The following KLF12 variants were observed in gnomAD, a reference collection of about 807,000 sequenced individuals.
KLF12 encodes the protein KLF transcription factor 12, also known as Krueppel-like factor 12.
Under a neutral mutation model 37.8 loss-of-function variants are expected in KLF12, and 9 were observed. The ratio of observed to expected loss-of-function variants is 0.24; its 90% confidence interval spans 0.14 to 0.42. The LOEUF (loss-of-function observed/expected upper bound fraction) is 0.42. Among genes scored for constraint, KLF12 ranks in the 10% least tolerant of loss-of-function variants. The pLI is 1.00. For missense variants in KLF12, 411 were observed against 516.0 expected (o/e 0.80, Z 1.97); for synonymous variants, 208 against 202.1 (o/e 1.03, Z -0.25).
intron 1 of KLF12, among the ~76,000 whole-genome samples, chr13:74,088,538 C>T (rs1257011155): frequency 1.3e-5 from 2 of 152,208 alleles, no homozygotes; most frequent in East Asian, 3.9e-4. Flanking sequence ...CTAGATCTTT[C>T]AACTCTAGCA....
chr13:73,870,708 T>C (rs55790135), intron 3 of KLF12, among the ~76,000 whole-genome samples: 52,303 of 152,038 alleles, frequency 0.34, 9,893 homozygotes, highest in Non-Finnish European at 0.43. Context: ...AAAGTGGAAA[T>C]TGGGGTGGAG....
chr13:73,832,765 G>A (rs1483591540), intron 4 of KLF12, among the ~76,000 whole-genome samples: 2 of 152,138 alleles, frequency 1.3e-5, no homozygotes, highest in African/African-American at 4.8e-5. Context: ...TAGCAAAGTA[G>A]CATTTCCCTT....
chr13:73,907,685 C>CT (rs1888368919), intron 3 of KLF12, among the ~76,000 whole-genome samples: 1 of 152,172 alleles, frequency 6.6e-6, no homozygotes, highest in Non-Finnish European at 1.5e-5. Context: ...ACAGTTCATC[C>CT]TGGCATCTGG....
At chr13:73,730,253 C>T (rs1258841436) in intron 6 of KLF12, among the ~76,000 whole-genome samples, 1 of 152,130 alleles carries the variant, frequency 6.6e-6, no homozygotes, top group Non-Finnish European at 1.5e-5. Context: ...TGCTGGGGAG[C>T]TCTCAGCTCT....
At chr13:74,239,942 C>A in the KLF12 span, among the ~76,000 whole-genome samples, 1 of 150,878 alleles carries the variant, frequency 6.6e-6, no homozygotes, top group Non-Finnish European at 1.5e-5. Context: ...AGTCCATTTA[C>A]ATTTAAAGTT....
intron 1 of KLF12, among the ~76,000 whole-genome samples, chr13:74,089,786 G>A (rs550290182): frequency 8.0e-6 from 1 of 125,630 alleles, no homozygotes; most frequent in South Asian, 2.9e-4. Context: ...TCCTTGACAC[G>A]ACGTAACATG....
At chr13:74,119,329 T>C (rs1387343308) in intron 1 of KLF12, among the ~76,000 whole-genome samples, 1 of 98,014 alleles carries the variant, frequency 1.0e-5, no homozygotes. Context: ...GAGACTCTTA[T>C]CGCAAAAAAA....
chr13:74,189,087 T>C, the KLF12 span, among the ~76,000 whole-genome samples: 5 of 152,320 alleles, frequency 3.3e-5, no homozygotes, highest in Middle Eastern at 6.8e-3. Context: ...CTCATGAATA[T>C]GCAAATATGC....
At chr13:74,142,759 GT>G in the KLF12 span, among the ~76,000 whole-genome samples, 1 of 152,074 alleles carries the variant, frequency 6.6e-6, no homozygotes, top group Admixed American at 6.6e-5. Flanking sequence ...AGAGTTATTT[GT>G]CAAGAAAAAT....
intron 1 of KLF12, among the ~76,000 whole-genome samples, chr13:74,130,186 A>G (rs775853415): frequency 1.3e-5 from 2 of 152,192 alleles, no homozygotes; most frequent in Non-Finnish European, 2.9e-5. Flanking sequence ...TTTTACCCTT[A>G]CATTCTGTAC....
chr13:73,944,122 GACC>G, intron 2 of KLF12, 52 bp from the exon 3 acceptor site: 1 of 1,114,864 alleles, frequency 9.0e-7, no homozygotes, highest in Non-Finnish European at 1.4e-6. Flanking sequence ...TTCAAAAGAG[GACC>G]TCTGGGAGAG....
chr13:73,921,821 A>G (rs1889130259), intron 3 of KLF12, among the ~76,000 whole-genome samples: 1 of 152,172 alleles, frequency 6.6e-6, no homozygotes, highest in Non-Finnish European at 1.5e-5. Flanking sequence ...ATCTGCAGCT[A>G]ACCCCTATAC....
rs926671739 is a variant in KLF12, at chr13:73,686,633, G to A, written c.*8857C>T. 6.6e-6 allele frequency: 1 copy of A among 152,476 alleles called. No individual in the cohort carries two copies. The highest frequency in any genetic ancestry group is 1.5e-5 in the Non-Finnish European group (1 of 68,018). The allele number at this position is 152,476 out of a possible 1,614,324, so 9.4% of individuals were successfully genotyped here. ...AACACATTTGCTTGCCAGCATCACT[G>A]GGGGGCTTTATCCTTTAATGTGTAG... On this transcript the variant is annotated 3_prime_UTR_variant, in exon 8 of 8. Coordinates refer to ENST00000377669, the MANE Select transcript of KLF12 (RefSeq NM_007249.5).
chr13:73,901,336 A>T (rs1167761354), intron 3 of KLF12, among the ~76,000 whole-genome samples: 1 of 152,196 alleles, frequency 6.6e-6, no homozygotes, highest in African/African-American at 2.4e-5. Flanking sequence ...CAGTCTGTAG[A>T]ACAGGCAGTC....
At chr13:74,233,457 GA>G in the KLF12 span, among the ~76,000 whole-genome samples, 4 of 152,156 alleles carry the variant, frequency 2.6e-5, no homozygotes, top group Admixed American at 6.5e-5. Context: ...ACGAGCAATG[GA>G]AAAAAGTCAT....
chr13:74,270,091 A>G, the KLF12 span, among the ~76,000 whole-genome samples: 1 of 152,206 alleles, frequency 6.6e-6, no homozygotes, highest in East Asian at 1.9e-4. Context: ...TGTATAACAT[A>G]AAACTTGGTT....
chr13:73,954,332 T>C (rs922103803), intron 2 of KLF12, among the ~76,000 whole-genome samples: 3 of 152,198 alleles, frequency 2.0e-5, no homozygotes, highest in Admixed American at 6.5e-5. Context: ...ATTTGTAATT[T>C]AAATATTTAG....
the KLF12 span, among the ~76,000 whole-genome samples, chr13:74,273,030 C>A: frequency 6.6e-6 from 1 of 152,234 alleles, no homozygotes; most frequent in East Asian, 1.9e-4. Context: ...CTGTGGAAAC[C>A]ACAAATGCCA....
At chr13:74,084,921 G>A (rs1274253112) in intron 1 of KLF12, among the ~76,000 whole-genome samples, 3 of 152,118 alleles carry the variant, frequency 2.0e-5, no homozygotes, top group Non-Finnish European at 2.9e-5. Flanking sequence ...TTTCATTATA[G>A]TTTGCAGGAG....
Sources: allele counts gnomAD v4.1 joint callset (sites outside exome capture counted in the v4.1 genomes callset), GRCh38; gene constraint gnomAD v4.1.1; transcripts MANE v1.5; gene names NCBI Gene and HGNC (gene_info 2026-07-23, HGNC 2026-07-21).